Variants in GPHN observed in about 807,000 individuals in gnomAD.
The protein encoded by GPHN is gephyrin.
Under a neutral mutation model 95.5 loss-of-function variants are expected in GPHN, and 17 were observed. That is an observed-to-expected ratio of 0.18 (90% CI 0.12 to 0.27). The LOEUF (loss-of-function observed/expected upper bound fraction) is 0.27, where lower values mean the gene tolerates loss of function less well. Among genes scored for constraint, GPHN ranks in the 10% least tolerant of loss-of-function variants. The pLI is 1.00. For synonymous variants in GPHN, 320 were observed against 322.5 expected (o/e 0.99, Z 0.08); for missense variants, 660 against 978.1 (o/e 0.67, Z 4.34).
chr14:67,541,764 G>A, the GPHN span: 13 of 1,104,114 alleles, frequency 1.2e-5, no homozygotes, highest in African/African-American at 8.0e-5. Context: ...GTCCCCTCCC[G>A]TTCTTTCCCC....
rs775590367 is a variant in GPHN at position 67,090,362 on chromosome 14, G to A, written c.1237+1287G>A. Reference sequence around the variant, plus strand: ...TTTGCGTGTTGACATGGCACCACAAGAAGAAAATTTGATACCTGACCTCAT... The same window carrying A: ...TTTGCGTGTTGACATGGCACCACAAAAAGAAAATTTGATACCTGACCTCAT... On this transcript the variant is annotated intron_variant, in intron 12 of 22. Transcript: ENST00000478722. 3.7e-4 allele frequency among the ~76,000 whole-genome samples: 57 copies of A among 152,120 alleles called. No homozygotes were observed. In the Middle Eastern group the frequency reaches 0.02, roughly 54 times the overall value.
chr14:67,535,992 G>C, the GPHN span, among the ~76,000 whole-genome samples: 1 of 152,176 alleles, frequency 6.6e-6, no homozygotes, highest in Non-Finnish European at 1.5e-5. Flanking sequence ...ATGGCTTAAG[G>C]CCACAGGATT....
At chr14:67,681,406 G>A in the GPHN span, among the ~76,000 whole-genome samples, 1 of 152,222 alleles carries the variant, frequency 6.6e-6, no homozygotes, top group Non-Finnish European at 1.5e-5. Flanking sequence ...GTAGAAAACT[G>A]TCTTTTCAAC....
At chr14:67,524,823 C>G in the GPHN span, among the ~76,000 whole-genome samples, 1 of 152,124 alleles carries the variant, frequency 6.6e-6, no homozygotes, top group African/African-American at 2.4e-5. Context: ...AGATGTGAGG[C>G]CCCTCTGATC....
chr14:67,465,719 C>T, the GPHN span, among the ~76,000 whole-genome samples: 11 of 152,342 alleles, frequency 7.2e-5, no homozygotes, highest in African/African-American at 2.2e-4. Flanking sequence ...GATGTAGCCA[C>T]GTCCAAGCCC....
At chr14:66,557,007 G>C (rs1398755928) in intron 1 of GPHN, among the ~76,000 whole-genome samples, 1 of 151,838 alleles carries the variant, frequency 6.6e-6, no homozygotes, top group African/African-American at 2.4e-5. Context: ...AGACCTGCTT[G>C]GCCAAGATGA....
intron 9 of GPHN, among the ~76,000 whole-genome samples, chr14:67,008,313 G>C (rs2072744660): frequency 6.6e-6 from 1 of 151,562 alleles, no homozygotes; most frequent in South Asian, 2.1e-4. Context: ...AAAATTAGTT[G>C]GGTGTGGTGG....
chr14:66,687,090 A>C lies in GPHN; in HGVS notation c.143+5905A>C, dbSNP rs375223679. The stretch of plus-strand genomic sequence containing the variant: ...GTATGTTGAACCAGCCTTGTATCCC[A>C]GGGATGAAGCCCACTTGATCATGTT... On this transcript the variant is annotated intron_variant, in intron 2 of 22. Coordinates refer to ENST00000478722, the MANE Select transcript of GPHN (RefSeq NM_020806.5). 8.7e-4 allele frequency among the ~76,000 whole-genome samples: 132 copies of C among 152,234 alleles called. 4 individuals are homozygous for C. In the South Asian group the frequency reaches 0.027, roughly 31 times the overall value.
intron 2 of GPHN, among the ~76,000 whole-genome samples, chr14:66,731,530 A>G (rs961524024): frequency 1.2e-4 from 18 of 152,230 alleles, no homozygotes; most frequent in African/African-American, 4.3e-4. Context: ...CCTGCCCTAG[A>G]AATCTGTGGA....
the GPHN span, among the ~76,000 whole-genome samples, chr14:67,630,924 C>T: frequency 9.9e-5 from 15 of 152,274 alleles, no homozygotes; most frequent in South Asian, 3.1e-3. Context: ...GAGGTTAATG[C>T]TCCCAGCTAA....
the GPHN span, among the ~76,000 whole-genome samples, chr14:67,494,782 A>C: frequency 6.6e-6 from 1 of 152,150 alleles, no homozygotes. Context: ...CCAACATTTG[A>C]CAAGAACCAA....
chr14:67,690,095 A>T, the GPHN span: 1 of 809,516 alleles, frequency 1.2e-6, no homozygotes, highest in Non-Finnish European at 2.0e-6. Flanking sequence ...GTACCCAATT[A>T]TAGCCACGGA....
intron 8 of GPHN, among the ~76,000 whole-genome samples, chr14:66,939,090 G>A (rs72730419): frequency 6.6e-6 from 1 of 152,084 alleles, no homozygotes; most frequent in Non-Finnish European, 1.5e-5. Context: ...TACAACTCTT[G>A]GAGTCAAAAC....
intron 1 of GPHN, among the ~76,000 whole-genome samples, chr14:66,531,042 G>A (rs2058911407): frequency 7.0e-6 from 1 of 142,866 alleles, no homozygotes; most frequent in African/African-American, 2.7e-5. Flanking sequence ...TGCAGCCTCC[G>A]CCTCCCAGGT....
chr14:67,114,341 T>C (rs1466684905), intron 16 of GPHN, among the ~76,000 whole-genome samples: 1 of 152,222 alleles, frequency 6.6e-6, no homozygotes, highest in Non-Finnish European at 1.5e-5. Context: ...TTTTATGATA[T>C]ACTTACATGC....
chr14:67,672,680 T>A, the GPHN span, among the ~76,000 whole-genome samples: 1 of 148,396 alleles, frequency 6.7e-6, no homozygotes, highest in African/African-American at 2.5e-5. Flanking sequence ...TGACCTCAAG[T>A]GATCCGCCCG....
chr14:67,699,035 G>A, the GPHN span, among the ~76,000 whole-genome samples: 1 of 152,108 alleles, frequency 6.6e-6, no homozygotes, highest in Non-Finnish European at 1.5e-5. Context: ...TGGATCACCT[G>A]AGGTCAGGAG....
At chr14:66,836,288 G>A (rs1218152724) in intron 4 of GPHN, among the ~76,000 whole-genome samples, 98 of 135,550 alleles carry the variant, frequency 7.2e-4, no homozygotes, top group African/African-American at 3.0e-3. Flanking sequence ...AAATAACACC[G>A]CATATCTACA....
chr14:67,404,391 G>A, the GPHN span, among the ~76,000 whole-genome samples: 3 of 152,050 alleles, frequency 2.0e-5, no homozygotes, highest in East Asian at 1.9e-4. Flanking sequence ...AGGAGGCTGA[G>A]GCAGGAGGAT....
Sources: gnomAD v4.1 joint callset for allele counts (sites outside exome capture counted in the v4.1 genomes callset) on GRCh38, gnomAD v4.1.1 for gene constraint, MANE v1.5 for transcripts, NCBI Gene and HGNC (gene_info 2026-07-23, HGNC 2026-07-21) for gene names.